Variants in LRFN5 observed in about 807,000 individuals in gnomAD.
LRFN5 encodes leucine-rich repeat and fibronectin type-III domain-containing protein 5.
Under a neutral mutation model 45.6 loss-of-function variants are expected in LRFN5, and 24 were observed. The ratio of observed to expected loss-of-function variants is 0.53; its 90% CI spans 0.38 to 0.74. LRFN5 has a LOEUF of 0.74. LRFN5 is among the 30% of genes least tolerant of loss of function. LRFN5 has a pLI of 0.00. For synonymous variants in LRFN5, 340 were observed against 313.8 expected (o/e 1.08, Z -0.88); for missense variants, 776 against 861.5 (o/e 0.90, Z 1.24).
intron 1 of LRFN5, among the ~76,000 whole-genome samples, chr14:41,655,894 T>A (rs568495578): frequency 6.6e-5 from 10 of 152,158 alleles, no homozygotes; most frequent in African/African-American, 2.2e-4. Flanking sequence ...ATATAAAGCA[T>A]ATTAAATTAT....
At chr14:41,746,595 C>T (rs907612141) in intron 1 of LRFN5, among the ~76,000 whole-genome samples, 1 of 151,848 alleles carries the variant, frequency 6.6e-6, no homozygotes, top group Non-Finnish European at 1.5e-5. Context: ...TTTCCTATAC[C>T]TCTTTGCCAG....
chr14:41,838,196 A>G (rs1306689610), intron 2 of LRFN5, among the ~76,000 whole-genome samples: 1 of 152,222 alleles, frequency 6.6e-6, no homozygotes, highest in Non-Finnish European at 1.5e-5. Flanking sequence ...GACTACATCC[A>G]TATTGGTTCT....
At chr14:41,657,269 G>A (rs567757166) in intron 1 of LRFN5, among the ~76,000 whole-genome samples, 1 of 152,000 alleles carries the variant, frequency 6.6e-6, no homozygotes, top group African/African-American at 2.4e-5. Context: ...ATAGGTAAGT[G>A]GGGCTATGTT....
intron 1 of LRFN5, among the ~76,000 whole-genome samples, chr14:41,766,176 A>T (rs548010396): frequency 6.6e-6 from 1 of 152,318 alleles, no homozygotes; most frequent in East Asian, 1.9e-4. Flanking sequence ...TCAGTGATTG[A>T]ATATCAATTT....
At chr14:41,641,570 T>C (rs1431262222) in intron 1 of LRFN5, among the ~76,000 whole-genome samples, 1 of 152,110 alleles carries the variant, frequency 6.6e-6, no homozygotes, top group Non-Finnish European at 1.5e-5. Flanking sequence ...TTTTCTATAC[T>C]TTTCTATACA....
At chr14:41,710,427 T>A (rs1490748037) in intron 1 of LRFN5, among the ~76,000 whole-genome samples, 8 of 152,080 alleles carry the variant, frequency 5.3e-5, no homozygotes, top group African/African-American at 1.9e-4. Context: ...CGTGGTTATA[T>A]CTTTTCAAAT....
chr14:41,866,681 A>T (rs541362109), intron 2 of LRFN5, among the ~76,000 whole-genome samples: 1 of 152,256 alleles, frequency 6.6e-6, no homozygotes, highest in Non-Finnish European at 1.5e-5. Context: ...TTTGGTTTTT[A>T]TCTTTATATC....
chr14:41,670,283 A>T (rs1881133622), intron 1 of LRFN5, among the ~76,000 whole-genome samples: 1 of 78,150 alleles, frequency 1.3e-5, no homozygotes, highest in Non-Finnish European at 2.3e-5. Flanking sequence ...ATATATATAT[A>T]TATATATATA....
At chr14:41,706,887 A>ACCTGGGT (rs1883089258) in intron 1 of LRFN5, among the ~76,000 whole-genome samples, 2 of 152,286 alleles carry the variant, frequency 1.3e-5, no homozygotes, top group South Asian at 2.1e-4. Context: ...TTCTACTATA[A>ACCTGGGT]CCTGGGTCCT....
At chr14:41,696,272 C>G (rs531027431) in intron 1 of LRFN5, among the ~76,000 whole-genome samples, 21 of 151,924 alleles carry the variant, frequency 1.4e-4, no homozygotes, top group Non-Finnish European at 2.2e-4. Context: ...GAAAAGTACT[C>G]CTGATGAAGA....
intron 2 of LRFN5, among the ~76,000 whole-genome samples, chr14:41,772,270 G>A (rs549357348): frequency 6.6e-6 from 1 of 151,952 alleles, no homozygotes; most frequent in Non-Finnish European, 1.5e-5. Context: ...CCAACACTGG[G>A]GATTACGTTG....
At chr14:41,702,334 A>C (rs1882872909) in intron 1 of LRFN5, among the ~76,000 whole-genome samples, 1 of 152,304 alleles carries the variant, frequency 6.6e-6, no homozygotes, top group African/African-American at 2.4e-5. Flanking sequence ...AATACAGTTC[A>C]CACTTCTAAA....
chr14:41,674,845 A>T (rs147757813), intron 1 of LRFN5, among the ~76,000 whole-genome samples: 1 of 148,824 alleles, frequency 6.7e-6, no homozygotes, highest in African/African-American at 2.5e-5. Flanking sequence ...CACTTCTCAG[A>T]CGGGGCGGTT....
intron 1 of LRFN5, among the ~76,000 whole-genome samples, chr14:41,723,045 A>G (rs1025067254): frequency 6.6e-6 from 1 of 152,038 alleles, no homozygotes; most frequent in Non-Finnish European, 1.5e-5. Flanking sequence ...GGTAGCCTCA[A>G]CTCCTAATCC....
Position 41,894,259 on chromosome 14 carries a change from T to C in LRFN5, c.2098+2297T>C, listed in dbSNP as rs544972273. 196 of 978,026 alleles carry C rather than the reference T, an allele frequency of 2.0e-4. No individual in the cohort carries two copies. The African/African-American group carries it at 3.0e-3, about 15-fold the overall frequency. The allele number at this position is 978,026 out of a possible 1,614,324, so 60.6% of individuals were successfully genotyped here. A position where few individuals can be genotyped will look rare whatever the true frequency, so the allele number is the denominator to read the frequency against. On this transcript the variant is annotated intron_variant, in intron 4 of 5. Coordinates refer to ENST00000298119, the MANE Select transcript of LRFN5 (RefSeq NM_152447.5). ...ATAAGTTACTGATGAACTTAGTATT[T>C]TCCAGTATTTTTAAAAATCAATTGC...
chr14:41,848,386 A>C (rs185293906), intron 2 of LRFN5, among the ~76,000 whole-genome samples: 16 of 152,240 alleles, frequency 1.1e-4, no homozygotes, highest in Non-Finnish European at 1.8e-4. Context: ...AAAAGAAAAA[A>C]GTAAAACAAA....
At chr14:41,870,490 T>C (rs1889980908) in intron 2 of LRFN5, among the ~76,000 whole-genome samples, 1 of 152,160 alleles carries the variant, frequency 6.6e-6, no homozygotes, top group Non-Finnish European at 1.5e-5. Context: ...ATGTCTTACA[T>C]GGCAGCAGGC....
At chr14:41,670,223 A>T (rs1213479390) in intron 1 of LRFN5, among the ~76,000 whole-genome samples, 1 of 128,908 alleles carries the variant, frequency 7.8e-6, no homozygotes, top group East Asian at 2.2e-4. Flanking sequence ...GTGTATATAT[A>T]TGTATACACA....
At chr14:41,892,386 A>G in intron 4 of LRFN5, 1 of 985,244 alleles carries the variant, frequency 1.0e-6, no homozygotes, top group Non-Finnish European at 1.2e-6. Flanking sequence ...AAAAAGCATG[A>G]CATAGCAGCA....
Sources: gnomAD v4.1 joint callset for allele counts (sites outside exome capture counted in the v4.1 genomes callset) on GRCh38, gnomAD v4.1.1 for gene constraint, MANE v1.5 for transcripts, NCBI Gene and HGNC (gene_info 2026-07-23, HGNC 2026-07-21) for gene names.